TLE7: variants seen among roughly 807,000 people sequenced by gnomAD.
TLE7 encodes transducin-like enhancer protein 7.
intron 1 of TLE7, among the ~76,000 whole-genome samples, chr16:71,441,661 A>T (rs1287815949): frequency 2.6e-5 from 4 of 151,770 alleles, no homozygotes; most frequent in Non-Finnish European, 4.4e-5. Context: ...GGCAGCAAGG[A>T]CTCCTCGTGG....
At chr16:71,432,804 C>T (rs891654494) in intron 3 of TLE7, 66 bp downstream of exon 3, 2 of 399,130 alleles carry the variant, frequency 5.0e-6, no homozygotes, top group East Asian at 3.6e-5. Flanking sequence ...ACCAGGCCCC[C>T]GTTCCTAGTC....
chr16:71,439,834 T>G (rs1390910180), intron 1 of TLE7, among the ~76,000 whole-genome samples: 1 of 152,188 alleles, frequency 6.6e-6, no homozygotes, highest in Non-Finnish European at 1.5e-5. Flanking sequence ...AGTTAACATG[T>G]GACCCAGCAG....
rs1294232848 is a variant in TLE7, at chr16:71,432,229, C to G, written c.490G>C (p.Val164Leu). ...TLFHGKRVYAVAISGSTHHVY... is the reference protein window; with the variant it reads ...TLFHGKRVYALAISGSTHHVY... ...TGGTGGGTTGAGCCGCTGATGGCCACAGCGTAGACTCTCTTTCCATGGAAG... is the reference window on the plus strand; with the variant it reads ...TGGTGGGTTGAGCCGCTGATGGCCAGAGCGTAGACTCTCTTTCCATGGAAG... Residue 164 changes from valine to leucine, a missense_variant, in exon 5 of 10, where the codon GTG becomes CTG. Transcript: ENST00000561754. 1 of 400,758 alleles carries G rather than the reference C, an allele frequency of 2.5e-6. No homozygotes were observed. Among genetic ancestry groups the G allele is most frequent in the East Asian group, 3.6e-5 (1 of 28,070 alleles). 24.8% of individuals were successfully genotyped at this position (400,758 alleles called of 1,614,324 possible).
chr16:71,430,161 A>T lies in TLE7; in HGVS notation c.*101T>A, dbSNP rs1231921903. On this transcript the variant is annotated 3_prime_UTR_variant, in exon 10 of 10. Coordinates refer to ENST00000561754, the MANE Select transcript of TLE7 (RefSeq NM_001367365.2). Reference sequence around the variant, plus strand: ...GGGATGACCCAAGCTAAGGCAGAGGAGATGGCAGGTGTTAGAGGTGTCCAG... The same window carrying T: ...GGGATGACCCAAGCTAAGGCAGAGGTGATGGCAGGTGTTAGAGGTGTCCAG... 2.5e-6 allele frequency: 1 copy of T among 397,204 alleles called. No homozygotes were observed. Among genetic ancestry groups the T allele is most frequent in the Non-Finnish European group, 4.4e-6 (1 of 225,576 alleles). The allele number at this position is 397,204 out of a possible 1,614,324, so 24.6% of individuals were successfully genotyped here.
intron 1 of TLE7, among the ~76,000 whole-genome samples, chr16:71,434,764 C>T (rs2042819921): frequency 6.6e-6 from 1 of 152,188 alleles, no homozygotes; most frequent in African/African-American, 2.4e-5. Context: ...GAACCCTGTC[C>T]TGCATAGCTC....
intron 1 of TLE7, among the ~76,000 whole-genome samples, chr16:71,438,275 T>C (rs532608276): frequency 2.6e-5 from 4 of 151,484 alleles, no homozygotes; most frequent in South Asian, 4.2e-4. Flanking sequence ...CTAATAAAAA[T>C]ACAAAATTAG....
Position 71,430,565 on chromosome 16 carries a change from C to T in TLE7, c.1221+103G>A, listed in dbSNP as rs146074346. On this transcript the variant is annotated intron_variant, in intron 9 of 9. Coordinates refer to ENST00000561754, the MANE Select transcript of TLE7 (RefSeq NM_001367365.2). Reference sequence around the variant, plus strand: ...TACTCTGTAAAATGGCCCTGGCTGCCATCTCAGAGGTGTTTTCCAACACCC... The same window carrying T: ...TACTCTGTAAAATGGCCCTGGCTGCTATCTCAGAGGTGTTTTCCAACACCC... 813 of 397,792 alleles carry T rather than the reference C, an allele frequency of 2.0e-3. 1 individual carries two copies. The highest frequency in any genetic ancestry group is 3.2e-3 in the Non-Finnish European group (718 of 226,030). The allele number at this position is 397,792 out of a possible 1,614,324, so 24.6% of individuals were successfully genotyped here. A position where few individuals can be genotyped will look rare whatever the true frequency, so the allele number is the denominator to read the frequency against.
At position 71,431,037 on chromosome 16, in the gene TLE7, G is replaced by C. The variant is rs2145041889; in HGVS notation, c.1147+84C>G. The C allele has an allele frequency of 2.5e-6, 1 of 400,186 alleles. No individual in the cohort carries two copies. The highest frequency in any genetic ancestry group is 2.0e-5 in the African/African-American group (1 of 48,794). 24.8% of individuals were successfully genotyped at this position (400,186 alleles called of 1,614,324 possible). ...TCCCATTACGGAGGGAGCCAGAAAA[G>C]GAAAGGGGGGTGAACAGAGAAAGAA... On this transcript the variant is annotated intron_variant, in intron 8 of 9. Transcript: ENST00000561754. The surrounding 1 kb of genome is among the most constrained non-coding windows in gnomAD (Gnocchi z 4.5).
At chr16:71,440,073 T>C (rs1195606134) in intron 1 of TLE7, among the ~76,000 whole-genome samples, 2 of 152,208 alleles carry the variant, frequency 1.3e-5, no homozygotes, top group African/African-American at 4.8e-5. Flanking sequence ...CCTGAAAATA[T>C]TATGCTATGT....
At chr16:71,430,881 T>G in intron 8 of TLE7, 140 bp from the exon 9 acceptor site, 2 of 397,386 alleles carry the variant, frequency 5.0e-6, no homozygotes, top group Non-Finnish European at 8.9e-6. Context: ...CCCAAGCCAT[T>G]CCCTTATCTT....
intron 1 of TLE7, among the ~76,000 whole-genome samples, chr16:71,438,974 G>GGCTAATGA (rs2042837391): frequency 6.6e-6 from 1 of 152,116 alleles, no homozygotes; most frequent in South Asian, 2.1e-4. Flanking sequence ...AAGCAAACAG[G>GGCTAATGA]GCTAATGATA....
intron 1 of TLE7, among the ~76,000 whole-genome samples, chr16:71,436,494 A>T (rs1466728346): frequency 2.0e-5 from 3 of 152,204 alleles, no homozygotes. Context: ...ACAGGGACCC[A>T]CCAAGTATTT....
chr16:71,432,931 T>G (rs2042812973), intron 2 of TLE7, 39 bp from the exon 3 acceptor site: 1 of 399,182 alleles, frequency 2.5e-6, no homozygotes, highest in Non-Finnish European at 4.4e-6. Flanking sequence ...AGACAGAGTG[T>G]GAGCCACAGA....
intron 1 of TLE7, among the ~76,000 whole-genome samples, chr16:71,434,102 A>T (rs1237346299): frequency 6.6e-6 from 1 of 152,222 alleles, no homozygotes; most frequent in Non-Finnish European, 1.5e-5. Context: ...ACCCCAAGAG[A>T]TCATAAGAAT....
At chr16:71,433,456 A>G in intron 1 of TLE7, 36 bp from the exon 2 acceptor site, 2 of 397,582 alleles carry the variant, frequency 5.0e-6, no homozygotes, top group Middle Eastern at 1.3e-3. Flanking sequence ...AGCTATGCAC[A>G]TGTGCTCTGT....
intron 1 of TLE7, among the ~76,000 whole-genome samples, chr16:71,437,504 AGGCATGGGTGG>A (rs2042831136): frequency 6.6e-6 from 1 of 151,428 alleles, no homozygotes; most frequent in Non-Finnish European, 1.5e-5. Flanking sequence ...TTGATTCAGT[AGGCATGGGTGG>A]GGCCCAAGAC....
rs938756917 is a variant in TLE7, at chr16:71,433,101, C to A, written c.224G>T (p.Trp75Leu). 23 of 398,756 alleles carry A rather than the reference C, an allele frequency of 5.8e-5. No individual in the cohort carries two copies. Among genetic ancestry groups the A allele is most frequent in the African/African-American group, 4.5e-4 (22 of 48,638 alleles). The allele number at this position is 398,756 out of a possible 1,614,324, so 24.7% of individuals were successfully genotyped here. Residue 75 changes from tryptophan (W) to leucine (L), a missense_variant, in exon 2 of 10, where the codon TGG becomes TTG. Trp to Leu is a moderately conservative substitution (Grantham distance 61). Coordinates refer to ENST00000561754, the MANE Select transcript of TLE7 (RefSeq NM_001367365.2). Reference sequence around the variant, plus strand: ...AGATCTACCCAGGCCCTGGAGGTGCCACTGCTGCTGGGTCACCGTGCTTGT... The same window carrying A: ...AGATCTACCCAGGCCCTGGAGGTGCAACTGCTGCTGGGTCACCGTGCTTGT... ...QETSTVTQQQ[W>L]HLQGLGRSEL...
chr16:71,441,729 C>T (rs901855148), intron 1 of TLE7, among the ~76,000 whole-genome samples: 3 of 152,248 alleles, frequency 2.0e-5, no homozygotes, highest in Non-Finnish European at 4.4e-5. Context: ...GCTCCCCTGC[C>T]CCCTTCCAGA....
chr16:71,439,319 C>A (rs2042838568), intron 1 of TLE7, among the ~76,000 whole-genome samples: 1 of 152,086 alleles, frequency 6.6e-6, no homozygotes, highest in Admixed American at 6.5e-5. Context: ...AGCAGGGTAG[C>A]AGAGAGCATA....
Sources: gnomAD v4.1 joint callset for allele counts (sites outside exome capture counted in the v4.1 genomes callset) on GRCh38, gnomAD v4.1.1 for gene constraint, Gnocchi (gnomAD v3.1) non-coding constraint, MANE v1.5 for transcripts, NCBI Gene and HGNC (gene_info 2026-07-23, HGNC 2026-07-21) for gene names.